The following ZMYM4 variants were observed in gnomAD, a reference collection of about 807,000 sequenced individuals.
ZMYM4 encodes zinc finger MYM-type protein 4.
A neutral mutation model predicts 183.2 loss-of-function variants in ZMYM4; 31 were observed. The observed-to-expected ratio is 0.17, with a 90% CI of 0.13 to 0.23. ZMYM4 has a LOEUF of 0.23. Ranked by LOEUF, ZMYM4 falls within the 10% of genes least tolerant of loss-of-function variation. The probability of loss-of-function intolerance (pLI) is 1.00; values close to 1 mark genes in which losing one functional copy is unlikely to be tolerated. For missense variants in ZMYM4, 1,273 were observed against 1,840.3 expected, an observed-to-expected ratio of 0.69 and a Z score of 5.64; for synonymous variants, 592 against 631.2, an observed-to-expected ratio of 0.94 and a Z score of 0.93.
chr1:35,392,611 TA>T, intron 16 of ZMYM4, 35 bp from the exon 17 acceptor site: 1 of 1,561,982 alleles, frequency 6.4e-7, no homozygotes, highest in Non-Finnish European at 8.7e-7. Flanking sequence ...AAAATAATTG[TA>T]AAGATCCTAA....
At chr1:35,412,112 CT>C (rs1639935642) in intron 26 of ZMYM4, among the ~76,000 whole-genome samples, 1 of 151,974 alleles carries the variant, frequency 6.6e-6, no homozygotes, top group South Asian at 2.1e-4. Flanking sequence ...ATCTCCTGAC[CT>C]TGTGATCCGC....
intron 1 of ZMYM4, among the ~76,000 whole-genome samples, chr1:35,300,998 A>G (rs1641252946): frequency 6.6e-6 from 1 of 152,224 alleles, no homozygotes; most frequent in Non-Finnish European, 1.5e-5. Flanking sequence ...GACTTAAAAA[A>G]AAATTCCCTT....
intron 2 of ZMYM4, among the ~76,000 whole-genome samples, chr1:35,332,776 C>A (rs1050692505): frequency 6.6e-6 from 1 of 152,092 alleles, no homozygotes; most frequent in Non-Finnish European, 1.5e-5. Context: ...TTCACTCTGA[C>A]CTCGAACTCC....
chr1:35,275,786 A>G (rs1639840720), intron 1 of ZMYM4, among the ~76,000 whole-genome samples: 1 of 151,248 alleles, frequency 6.6e-6, no homozygotes. Context: ...CATTTGACTT[A>G]AAAAAAAATG....
At chr1:35,305,360 G>C (rs543715082) in intron 1 of ZMYM4, among the ~76,000 whole-genome samples, 27 of 152,202 alleles carry the variant, frequency 1.8e-4, no homozygotes, top group African/African-American at 6.3e-4. Flanking sequence ...TTTTGAAGTT[G>C]TATTGTTAGT....
chr1:35,418,351 TTCTGGC>T, intron 28 of ZMYM4, 86 bp from the exon 29 acceptor site: 1 of 1,401,094 alleles, frequency 7.1e-7, no homozygotes, highest in Non-Finnish European at 9.7e-7. Context: ...AATGACAAAG[TTCTGGC>T]TGCGAAGCAA....
intron 1 of ZMYM4, among the ~76,000 whole-genome samples, chr1:35,301,777 C>G (rs1380240752): frequency 3.9e-5 from 6 of 152,092 alleles, no homozygotes; most frequent in Non-Finnish European, 7.4e-5. Flanking sequence ...TTTTAGTATT[C>G]TGGCCTCTTT....
intron 7 of ZMYM4, among the ~76,000 whole-genome samples, chr1:35,373,555 T>C (rs1644264353): frequency 7.2e-6 from 1 of 139,102 alleles, no homozygotes; most frequent in Non-Finnish European, 1.5e-5. Context: ...TTTTTTTTTT[T>C]TTTTTTTTTT....
intron 23 of ZMYM4, among the ~76,000 whole-genome samples, chr1:35,401,551 G>A (rs534753155): frequency 6.6e-5 from 10 of 152,066 alleles, no homozygotes; most frequent in African/African-American, 2.4e-4. Context: ...TCAAATCAAC[G>A]TTTGGTCCTA....
Position 35,374,019 on chromosome 1 carries a change from CTTTTTTTTTT to C in ZMYM4, c.1181+3411_1181+3420del, listed in dbSNP as rs397863926. The stretch of plus-strand genomic sequence containing the variant: ...ATTCCAGTATGTTCATCATGGGATT[CTTTTTTTTTT>C]TTTTTTTTTTTTTTTTTTGAGACAA... On this transcript the variant is annotated intron_variant, in intron 7 of 29. Transcript: ENST00000314607. Among the ~76,000 whole-genome samples, 17 of 52,792 alleles carry C rather than the reference CTTTTTTTTTT, an allele frequency of 3.2e-4. No homozygotes were observed. In the South Asian group the frequency reaches 0.01, roughly 31 times the overall value. The allele number at this position is 52,792 out of a possible 152,430, so 34.6% of individuals were successfully genotyped here. A position where few individuals can be genotyped will look rare whatever the true frequency, so the allele number is the denominator to read the frequency against.
chr1:35,368,102 T>A (rs1386848012), intron 5 of ZMYM4, among the ~76,000 whole-genome samples: 1 of 119,522 alleles, frequency 8.4e-6, no homozygotes. Flanking sequence ...CACCCACTGC[T>A]TTCATAAATA....
intron 7 of ZMYM4, among the ~76,000 whole-genome samples, chr1:35,380,334 A>T (rs963978759): frequency 9.3e-5 from 14 of 151,044 alleles, no homozygotes; most frequent in Non-Finnish European, 1.8e-4. Flanking sequence ...TTATTTATTT[A>T]TTTATTTTTT....
chr1:35,307,429 A>T (rs1299320291), intron 1 of ZMYM4, among the ~76,000 whole-genome samples: 1 of 152,020 alleles, frequency 6.6e-6, no homozygotes, highest in African/African-American at 2.4e-5. Flanking sequence ...ATTCCCTTAG[A>T]AGGTAAATGA....
At chr1:35,408,235 C>T in intron 26 of ZMYM4, 76 bp downstream of exon 26, 1 of 1,507,430 alleles carries the variant, frequency 6.6e-7, no homozygotes, top group Non-Finnish European at 9.1e-7. Flanking sequence ...AAATTACATG[C>T]ACATGTACAC....
At chr1:35,391,289 G>A (rs2148991355) in intron 15 of ZMYM4, among the ~76,000 whole-genome samples, 6 of 152,238 alleles carry the variant, frequency 3.9e-5, no homozygotes, top group Admixed American at 3.9e-4. Context: ...TGCTCCTGGG[G>A]CTACCTGTAG....
At chr1:35,277,712 G>C (rs1639941844) in intron 1 of ZMYM4, among the ~76,000 whole-genome samples, 1 of 151,788 alleles carries the variant, frequency 6.6e-6, no homozygotes, top group Admixed American at 6.6e-5. Context: ...CAATTATTTG[G>C]TTACCTTGTA....
At chr1:35,408,762 A>G (rs1558190810) in intron 26 of ZMYM4, among the ~76,000 whole-genome samples, 1 of 152,188 alleles carries the variant, frequency 6.6e-6, no homozygotes, top group African/African-American at 2.4e-5. Context: ...GCAGAATTAT[A>G]TATATAGTGT....
intron 1 of ZMYM4, among the ~76,000 whole-genome samples, chr1:35,305,313 T>C (rs1641485827): frequency 6.6e-6 from 1 of 152,246 alleles, no homozygotes; most frequent in African/African-American, 2.4e-5. Flanking sequence ...GTTGGAGATT[T>C]TACTTATCTC....
intron 13 of ZMYM4, among the ~76,000 whole-genome samples, chr1:35,388,195 G>GT (rs1031144232): frequency 2.0e-5 from 3 of 151,826 alleles, no homozygotes; most frequent in East Asian, 1.9e-4. Context: ...CTAAATAAAA[G>GT]TTTTTTTTGT....
Sources: gnomAD v4.1 joint callset for allele counts (sites outside exome capture counted in the v4.1 genomes callset) on GRCh38, gnomAD v4.1.1 for gene constraint, MANE v1.5 for transcripts, NCBI Gene and HGNC (gene_info 2026-07-23, HGNC 2026-07-21) for gene names.